Variants in CCDC91 observed in about 807,000 individuals in gnomAD.
CCDC91 encodes the protein coiled-coil domain-containing protein 91.
CCDC91 carries 48 observed loss-of-function variants against 63.2 expected under a neutral mutation model. The observed-to-expected ratio is 0.76, with a 90% CI of 0.60 to 0.97. CCDC91 has a LOEUF of 0.97. CCDC91 is among the 50% of genes least tolerant of loss of function. The pLI is 0.00. For synonymous variants in CCDC91, 167 were observed against 165.8 expected, an observed-to-expected ratio of 1.01 and a Z score of -0.06; for missense variants, 500 against 494.6, an observed-to-expected ratio of 1.01 and a Z score of -0.10.
At chr12:28,539,517 G>A (rs1942467951) in intron 12 of CCDC91, among the ~76,000 whole-genome samples, 2 of 152,226 alleles carry the variant, frequency 1.3e-5, no homozygotes, top group South Asian at 2.1e-4. Context: ...TAGCCTTGTA[G>A]TATAGTTTGA....
intron 12 of CCDC91, among the ~76,000 whole-genome samples, chr12:28,511,447 A>AT (rs1032597638): frequency 6.6e-6 from 1 of 151,508 alleles, no homozygotes; most frequent in Non-Finnish European, 1.5e-5. Flanking sequence ...CCAATGCATT[A>AT]TTTTTTTTCC....
At chr12:28,235,352 T>G (rs561664988) in intron 1 of CCDC91, among the ~76,000 whole-genome samples, 1 of 152,288 alleles carries the variant, frequency 6.6e-6, no homozygotes, top group Non-Finnish European at 1.5e-5. Context: ...GGCATTCTTA[T>G]TTTTAAAATC....
chr12:28,525,232 G>C (rs777559230), intron 12 of CCDC91, among the ~76,000 whole-genome samples: 25 of 151,968 alleles, frequency 1.6e-4, no homozygotes, highest in Admixed American at 1.2e-3. Flanking sequence ...TGATATAGGC[G>C]TTTAGGGCTG....
chr12:28,492,015 A>T (rs1374841775), intron 12 of CCDC91, among the ~76,000 whole-genome samples: 6 of 151,344 alleles, frequency 4.0e-5, no homozygotes, highest in Non-Finnish European at 8.9e-5. Context: ...TGAGCCGTTT[A>T]TTAAGGGACC....
intron 8 of CCDC91, among the ~76,000 whole-genome samples, chr12:28,434,497 TG>T (rs1348977585): frequency 1.3e-5 from 2 of 151,442 alleles, no homozygotes; most frequent in Non-Finnish European, 3.0e-5. Flanking sequence ...CTTTATACAT[TG>T]TTGGATTTCA....
At chr12:28,442,738 A>G (rs1466657265) in intron 8 of CCDC91, among the ~76,000 whole-genome samples, 1 of 152,140 alleles carries the variant, frequency 6.6e-6, no homozygotes, top group African/African-American at 2.4e-5. Context: ...GAAAGTATAT[A>G]TGTTCATTTT....
rs1555170560 is a variant in CCDC91, at chr12:28,267,857, A to AT, written c.109+8416dup. On this transcript the variant is annotated intron_variant, in intron 3 of 12. Coordinates refer to ENST00000536442, the MANE Select transcript of CCDC91 (RefSeq NM_018318.5). ...TAATTATATATAATTATATAGTAAT[A>AT]TATAATTATATATAATTATATATAA... Among the ~76,000 whole-genome samples the AT allele has an allele frequency of 2.2e-3, 86 of 39,998 alleles. 2 individuals are homozygous for AT. Among genetic ancestry groups the AT allele is most frequent in the Non-Finnish European group, 3.3e-3 (62 of 19,038 alleles). 26.2% of individuals were successfully genotyped at this position (39,998 alleles called of 152,430 possible).
At chr12:28,237,235 T>TACACAC (rs58134900) in intron 1 of CCDC91, among the ~76,000 whole-genome samples, 6,411 of 143,052 alleles carry the variant, frequency 0.045, 301 homozygotes, top group African/African-American at 0.12. Context: ...GTATTACACA[T>TACACAC]ACACACACAC....
At chr12:28,371,102 T>C (rs1304490876) in intron 7 of CCDC91, among the ~76,000 whole-genome samples, 2 of 152,152 alleles carry the variant, frequency 1.3e-5, no homozygotes, top group Admixed American at 6.5e-5. Context: ...TCTATTTTTT[T>C]CTGATATTTA....
At chr12:28,293,877 C>T (rs1207414220) in intron 3 of CCDC91, among the ~76,000 whole-genome samples, 1 of 152,048 alleles carries the variant, frequency 6.6e-6, no homozygotes, top group African/African-American at 2.4e-5. Flanking sequence ...ACTGTGCTCA[C>T]CTCCTTGTCT....
chr12:28,361,611 T>C (rs11049553), intron 6 of CCDC91, among the ~76,000 whole-genome samples: 30,655 of 151,974 alleles, frequency 0.2, 4,053 homozygotes, highest in Non-Finnish European at 0.3. Context: ...CCTAATTCTG[T>C]TTCCGGCTCT....
At chr12:28,326,697 G>A (rs1246364461) in intron 6 of CCDC91, among the ~76,000 whole-genome samples, 3 of 151,614 alleles carry the variant, frequency 2.0e-5, no homozygotes, top group East Asian at 3.9e-4. Context: ...CTGAGACAAC[G>A]TTAAATCTCC....
intron 12 of CCDC91, among the ~76,000 whole-genome samples, chr12:28,524,108 C>A (rs1385356954): frequency 6.6e-6 from 1 of 152,048 alleles, no homozygotes; most frequent in Non-Finnish European, 1.5e-5. Context: ...GATCTCTCGG[C>A]CAAAATTCTT....
At chr12:28,249,208 A>G (rs1167975752) in intron 1 of CCDC91, among the ~76,000 whole-genome samples, 1 of 152,228 alleles carries the variant, frequency 6.6e-6, no homozygotes, top group African/African-American at 2.4e-5. Flanking sequence ...TGTGTTGGGC[A>G]GCACTGTGAA....
intron 3 of CCDC91, among the ~76,000 whole-genome samples, chr12:28,289,292 T>G (rs1949077954): frequency 6.6e-6 from 1 of 152,166 alleles, no homozygotes; most frequent in Admixed American, 6.5e-5. Context: ...AATTGAGATC[T>G]TTCTAACTTC....
intron 8 of CCDC91, among the ~76,000 whole-genome samples, chr12:28,444,610 C>T (rs563057842): frequency 1.3e-5 from 2 of 152,122 alleles, no homozygotes; most frequent in South Asian, 2.1e-4. Context: ...TTCTCACTTA[C>T]AAGTGAGAGC....
intron 8 of CCDC91, among the ~76,000 whole-genome samples, chr12:28,405,560 A>G (rs1331361027): frequency 6.6e-6 from 1 of 152,186 alleles, no homozygotes; most frequent in African/African-American, 2.4e-5. Context: ...GGCCAGATCA[A>G]AAATGTTTCT....
At chr12:28,466,315 A>T (rs1950547809) in intron 11 of CCDC91, among the ~76,000 whole-genome samples, 1 of 152,162 alleles carries the variant, frequency 6.6e-6, no homozygotes, top group Admixed American at 6.5e-5. Flanking sequence ...TAATAACAGA[A>T]ATTCCCAAAC....
At chr12:28,229,008 G>A (rs1246282385) in intron 1 of CCDC91, among the ~76,000 whole-genome samples, 2 of 152,006 alleles carry the variant, frequency 1.3e-5, no homozygotes, top group East Asian at 1.9e-4. Context: ...TTTATGTATT[G>A]TAGTCTTTTC....
Sources: allele counts gnomAD v4.1 joint callset (sites outside exome capture counted in the v4.1 genomes callset), GRCh38; gene constraint gnomAD v4.1.1; transcripts MANE v1.5; gene names NCBI Gene and HGNC (gene_info 2026-07-23, HGNC 2026-07-21).